CELF4: variants seen among roughly 807,000 people sequenced by gnomAD.
CELF4 encodes the protein CUGBP Elav-like family member 4, also known as CUG-BP- and ETR-3-like factor 4.
In CELF4, 18 loss-of-function variants were observed where a neutral mutation model predicts 59.9. That is an observed-to-expected ratio of 0.30 (90% CI 0.21 to 0.45). The LOEUF is 0.45. Ranked by LOEUF, CELF4 falls within the 20% of genes least tolerant of loss-of-function variation. The pLI is 1.00. For synonymous variants in CELF4, 261 were observed against 267.1 expected, an observed-to-expected ratio of 0.98 and a Z score of 0.22; for missense variants, 456 against 689.0, an observed-to-expected ratio of 0.66 and a Z score of 3.79.
At chr18:37,522,086 G>A (rs1363689846) in intron 1 of CELF4, among the ~76,000 whole-genome samples, 1 of 151,578 alleles carries the variant, frequency 6.6e-6, no homozygotes, top group Non-Finnish European at 1.5e-5. Flanking sequence ...AGGAGAAATG[G>A]TGCCTTTCTT....
intron 1 of CELF4, among the ~76,000 whole-genome samples, chr18:37,546,778 C>T (rs1198661789): frequency 1.3e-5 from 2 of 152,206 alleles, no homozygotes; most frequent in Non-Finnish European, 2.9e-5. Flanking sequence ...ATCTACATGG[C>T]ACACCTCTAG....
intron 3 of CELF4, chr18:37,305,194 T>C (rs1220575375): frequency 6.6e-6 from 1 of 152,234 alleles, no homozygotes; most frequent in African/African-American, 2.4e-5. Flanking sequence ...TTTATTCAAA[T>C]TGCGGGTCCG....
At chr18:37,287,859 A>G (rs1290643698) in intron 3 of CELF4, among the ~76,000 whole-genome samples, 1 of 152,248 alleles carries the variant, frequency 6.6e-6, no homozygotes, top group African/African-American at 2.4e-5. Context: ...ATGAAAGAAA[A>G]ATGATTGCAG....
intron 2 of CELF4, among the ~76,000 whole-genome samples, chr18:37,334,421 G>T (rs2154540113): frequency 6.6e-6 from 1 of 152,290 alleles, no homozygotes; most frequent in African/African-American, 2.4e-5. Flanking sequence ...GTGGGGTCCT[G>T]GGCCTGGCGA....
chr18:37,494,024 C>T (rs2099922018), intron 1 of CELF4, among the ~76,000 whole-genome samples: 1 of 152,120 alleles, frequency 6.6e-6, no homozygotes, highest in African/African-American at 2.4e-5. Flanking sequence ...ATTTGAATCT[C>T]CCAGGAAAGG....
In CELF4 at chr18:37,270,806, G is replaced by T; in HGVS notation, c.1061C>A (p.Ala354Glu). ...GATGCCATTGGCGAACACAGCTTCC[G>T]CAGCAGGTTGCCCATTGGCCTGTGG... ...LPPQANGQPA[A>E]EAVFANGIHP... Residue 354 changes from alanine (A) to glutamate (E), a missense_variant, in exon 8 of 13, where the codon GCG becomes GAG. Transcript: ENST00000420428. 1 of 1,613,956 alleles carries T rather than the reference G, an allele frequency of 6.2e-7. No individual in the cohort carries two copies. Among genetic ancestry groups the T allele is most frequent in the Non-Finnish European group, 8.5e-7 (1 of 1,179,980 alleles).
chr18:37,347,272 C>G (rs1209261244), intron 2 of CELF4, among the ~76,000 whole-genome samples: 1 of 152,084 alleles, frequency 6.6e-6, no homozygotes, highest in South Asian at 2.1e-4. Flanking sequence ...TGCCACCCCC[C>G]ACGCCACGCC....
intron 3 of CELF4, among the ~76,000 whole-genome samples, chr18:37,278,302 G>C (rs1236321110): frequency 6.6e-6 from 1 of 152,166 alleles, no homozygotes; most frequent in East Asian, 1.9e-4. Flanking sequence ...CCCAGCTTCA[G>C]ACTCACTTCC....
intron 1 of CELF4, among the ~76,000 whole-genome samples, chr18:37,554,375 T>C (rs954940772): frequency 6.6e-6 from 1 of 152,046 alleles, no homozygotes; most frequent in Non-Finnish European, 1.5e-5. Flanking sequence ...CCTGGGTGAG[T>C]GGGAGAGCAA....
In CELF4 at chr18:37,498,841, G is replaced by A. The variant is rs150981874; in HGVS notation, c.287-13234C>T. On this transcript the variant is annotated intron_variant, in intron 1 of 12. Coordinates refer to ENST00000420428, the MANE Select transcript of CELF4 (RefSeq NM_020180.4). ...CTCTGCTTTCTTCTGGGAGCCCTGG[G>A]GTAGTTTACAGAGTCTCTTCCAGAA... 5.8e-3 allele frequency among the ~76,000 whole-genome samples: 878 copies of A among 152,208 alleles called. 12 individuals carry two copies. Among genetic ancestry groups the A allele is most frequent in the African/African-American group, 0.021 (857 of 41,530 alleles).
chr18:37,264,721 T>G lies in CELF4; in HGVS notation c.1202A>C (p.Gln401Pro), dbSNP rs1322516531. Residue 401 changes from glutamine (Q) to proline (P), a missense_variant, in exon 10 of 13, where the codon CAG becomes CCG. Transcript: ENST00000420428. ...AYPAAYGQIS[Q>P]AFPQPPPMIP... is the part of the protein sequence containing the mutation. ...CATTGGAGGCGGCTGAGGAAAGGCC[T>G]GGCTTATCTGACCATAGGCAGCAGG... 6.3e-7 allele frequency: 1 copy of G among 1,581,518 alleles called. No homozygotes were observed. Among genetic ancestry groups the G allele is most frequent in the Non-Finnish European group, 8.6e-7 (1 of 1,162,934 alleles).
At chr18:37,501,662 C>G (rs2099932021) in intron 1 of CELF4, among the ~76,000 whole-genome samples, 1 of 152,194 alleles carries the variant, frequency 6.6e-6, no homozygotes, top group South Asian at 2.1e-4. Flanking sequence ...AGAAACAGGG[C>G]ATCTGGGGAA....
chr18:37,453,688 G>T (rs2099770304), intron 2 of CELF4, among the ~76,000 whole-genome samples: 1 of 152,170 alleles, frequency 6.6e-6, no homozygotes. Context: ...AGGCTGGCCT[G>T]CCTGGGGTGG....
rs944696423 is a variant in CELF4 at position 37,563,177 on chromosome 18, T to C, written c.286+2179A>G. Among the ~76,000 whole-genome samples, 5 of 152,056 alleles carry C rather than the reference T, an allele frequency of 3.3e-5. No individual in the cohort carries two copies. In the South Asian group the frequency reaches 1.0e-3, roughly 32 times the overall value. The stretch of plus-strand genomic sequence containing the variant: ...TGAAAATTCTACTTCTTTGCTATTA[T>C]ATGAGAGAGTCCAAATTACATCAGC... On this transcript the variant is annotated intron_variant, in intron 1 of 12. Transcript: ENST00000420428.
At chr18:37,390,087 C>T (rs2099142065) in intron 2 of CELF4, among the ~76,000 whole-genome samples, 1 of 152,208 alleles carries the variant, frequency 6.6e-6, no homozygotes, top group Admixed American at 6.5e-5. Context: ...GTTGGGATGG[C>T]CCCTCTGCCC....
chr18:37,299,890 G>A (rs559025261), intron 3 of CELF4, among the ~76,000 whole-genome samples: 137 of 151,892 alleles, frequency 9.0e-4, no homozygotes, highest in Non-Finnish European at 1.3e-3. Context: ...CAGAGCTCCC[G>A]GGCCCATACT....
chr18:37,425,221 C>A (rs1406239673), intron 2 of CELF4, among the ~76,000 whole-genome samples: 1 of 152,248 alleles, frequency 6.6e-6, no homozygotes, highest in African/African-American at 2.4e-5. Flanking sequence ...ACAAACGGAT[C>A]ATCTGACCAT....
At chr18:37,462,142 G>T (rs566108046) in intron 2 of CELF4, among the ~76,000 whole-genome samples, 112 of 152,302 alleles carry the variant, frequency 7.4e-4, no homozygotes, top group African/African-American at 2.3e-3. Context: ...AGCACCCTGA[G>T]AGCTCAGCAG....
chr18:37,405,099 C>G (rs1278306321), intron 2 of CELF4, among the ~76,000 whole-genome samples: 1 of 152,238 alleles, frequency 6.6e-6, no homozygotes, highest in Non-Finnish European at 1.5e-5. Context: ...CCAACCCCCC[C>G]CGTGTCCTTT....
Sources: allele counts gnomAD v4.1 joint callset (sites outside exome capture counted in the v4.1 genomes callset), GRCh38; gene constraint gnomAD v4.1.1; transcripts MANE v1.5; gene names NCBI Gene and HGNC (gene_info 2026-07-23, HGNC 2026-07-21).